PPFIA2: variants seen among roughly 807,000 people sequenced by gnomAD.
PPFIA2 encodes the protein liprin-alpha-2.
A neutral mutation model predicts 175.5 loss-of-function variants in PPFIA2; 46 were observed. That is an observed-to-expected ratio of 0.26 (90% CI 0.21 to 0.34). The LOEUF is 0.34. PPFIA2 is among the 10% of genes least tolerant of loss of function. The pLI, the probability that PPFIA2 is intolerant of heterozygous loss-of-function variation, is 1.00. For synonymous variants in PPFIA2, 568 were observed against 511.4 expected, an observed-to-expected ratio of 1.11 and a Z score of -1.49; for missense variants, 1,179 against 1,506.1, an observed-to-expected ratio of 0.78 and a Z score of 3.60.
rs566090805 is a variant in PPFIA2, at chr12:81,720,165, T to C, written c.249+33808A>G. Reference sequence around the variant, plus strand: ...GAAGCATGGCCTACATCTGCCCAGGTTTTAAATTTCAAATAAAAGCAACTC... The same window carrying C: ...GAAGCATGGCCTACATCTGCCCAGGCTTTAAATTTCAAATAAAAGCAACTC... On this transcript the variant is annotated intron_variant, in intron 3 of 32. Transcript: ENST00000549396. Among the ~76,000 whole-genome samples the C allele has an allele frequency of 9.9e-5, 15 of 151,546 alleles. 1 individual carries two copies. Among genetic ancestry groups the C allele is most frequent in the African/African-American group, 3.4e-4 (14 of 41,456 alleles).
chr12:81,400,212 AT>A (rs1219652513), intron 8 of PPFIA2, among the ~76,000 whole-genome samples: 1 of 152,148 alleles, frequency 6.6e-6, no homozygotes. Context: ...ATATCTCAAT[AT>A]TTCACAATAG....
intron 7 of PPFIA2, among the ~76,000 whole-genome samples, chr12:81,436,896 G>A (rs2049155075): frequency 6.6e-6 from 1 of 152,078 alleles, no homozygotes; most frequent in African/African-American, 2.4e-5. Flanking sequence ...AAACCAAAAT[G>A]GAAGTTAATA....
Position 81,738,115 on chromosome 12 carries a change from A to T in PPFIA2, c.249+15858T>A, listed in dbSNP as rs181640882. 4.2e-3 allele frequency among the ~76,000 whole-genome samples: 602 copies of T among 143,874 alleles called. 3 individuals carry two copies. Among genetic ancestry groups the T allele is most frequent in the African/African-American group, 0.013 (511 of 39,568 alleles). 94.4% of individuals were successfully genotyped at this position (143,874 alleles called of 152,430 possible). On this transcript the variant is annotated intron_variant, in intron 3 of 32. Coordinates refer to ENST00000549396, the MANE Select transcript of PPFIA2 (RefSeq NM_003625.5). ...ACTCTCTAAAGCAGCCAAAAAGATTAAAAAAAAAAAGGACAGTTTACTCTC... is the reference window on the plus strand; with the variant it reads ...ACTCTCTAAAGCAGCCAAAAAGATTTAAAAAAAAAAGGACAGTTTACTCTC...
chr12:81,274,177 TG>T (rs976506959), intron 28 of PPFIA2, among the ~76,000 whole-genome samples: 3 of 152,204 alleles, frequency 2.0e-5, no homozygotes, highest in African/African-American at 7.2e-5. Context: ...CAAGTGCTTG[TG>T]GGTGGCAGCA....
intron 3 of PPFIA2, among the ~76,000 whole-genome samples, chr12:81,738,243 A>C (rs2153650109): frequency 6.6e-6 from 1 of 152,092 alleles, no homozygotes. Context: ...CCACTAACGT[A>C]AAATTCTATC....
chr12:81,343,452 T>A (rs2058498582), intron 19 of PPFIA2, among the ~76,000 whole-genome samples: 1 of 152,178 alleles, frequency 6.6e-6, no homozygotes, highest in Middle Eastern at 3.4e-3. Context: ...GGTAGATAGA[T>A]AATAGCCCAG....
intron 4 of PPFIA2, among the ~76,000 whole-genome samples, chr12:81,648,803 G>T (rs150801237): frequency 6.7e-4 from 102 of 151,774 alleles, no homozygotes; most frequent in African/African-American, 2.3e-3. Context: ...ACAGATCAAT[G>T]GAAAAGAAGA....
intron 17 of PPFIA2, among the ~76,000 whole-genome samples, chr12:81,349,715 T>C (rs935560928): frequency 2.6e-5 from 4 of 152,190 alleles, no homozygotes; most frequent in Admixed American, 2.6e-4. Flanking sequence ...CTATAAATTG[T>C]ACAAGACAGC....
intron 4 of PPFIA2, among the ~76,000 whole-genome samples, chr12:81,624,387 T>C (rs2062429185): frequency 6.7e-6 from 1 of 148,384 alleles, no homozygotes; most frequent in Non-Finnish European, 1.5e-5. Flanking sequence ...ATAAAATATA[T>C]ATACTGATTT....
intron 4 of PPFIA2, among the ~76,000 whole-genome samples, chr12:81,571,524 T>C (rs2072543947): frequency 6.6e-6 from 1 of 152,082 alleles, no homozygotes; most frequent in African/African-American, 2.4e-5. Context: ...TTACAAGTTG[T>C]GCCATCTTAA....
chr12:81,292,321 G>A (rs928667239), intron 24 of PPFIA2: 1 of 151,994 alleles, frequency 6.6e-6, no homozygotes, highest in African/African-American at 2.4e-5. Context: ...GGTCTTCTCA[G>A]TTTCTTATTT....
chr12:81,598,246 G>A, intron 4 of PPFIA2: 4 of 1,346,066 alleles, frequency 3.0e-6, no homozygotes, highest in Non-Finnish European at 2.9e-6. Context: ...CTTTTGTGAA[G>A]CTAGTTCTCT....
chr12:81,262,937 G>C (rs2036101051), intron 31 of PPFIA2, among the ~76,000 whole-genome samples: 2 of 152,180 alleles, frequency 1.3e-5, no homozygotes, highest in African/African-American at 4.8e-5. Context: ...TTTGGGAATA[G>C]AAGACTAAAG....
chr12:81,600,944 T>A (rs538493645), intron 4 of PPFIA2, among the ~76,000 whole-genome samples: 14 of 151,996 alleles, frequency 9.2e-5, no homozygotes, highest in Non-Finnish European at 1.8e-4. Context: ...AGATCCCTTG[T>A]TATTGTAGAG....
chr12:81,531,159 C>T (rs1379813472), intron 4 of PPFIA2, among the ~76,000 whole-genome samples: 1 of 151,806 alleles, frequency 6.6e-6, no homozygotes, highest in East Asian at 1.9e-4. Flanking sequence ...TTTACTTATT[C>T]CCAGCGAATA....
intron 4 of PPFIA2, among the ~76,000 whole-genome samples, chr12:81,563,508 G>A (rs2070643624): frequency 6.6e-6 from 1 of 152,070 alleles, no homozygotes; most frequent in Non-Finnish European, 1.5e-5. Context: ...TTCCTTTTTA[G>A]TGAATTAAAT....
chr12:81,341,344 G>T, intron 19 of PPFIA2, 136 bp from the exon 20 acceptor site: 1 of 705,632 alleles, frequency 1.4e-6, no homozygotes, highest in Non-Finnish European at 2.2e-6. Context: ...GGGCATTTAA[G>T]TCTTACATAC....
chr12:81,552,984 T>C (rs2068190798), intron 4 of PPFIA2, among the ~76,000 whole-genome samples: 1 of 152,064 alleles, frequency 6.6e-6, no homozygotes, highest in South Asian at 2.1e-4. Context: ...TGCCATTCAC[T>C]TTGCTCATCA....
intron 4 of PPFIA2, among the ~76,000 whole-genome samples, chr12:81,479,492 AT>A (rs2057925787): frequency 6.6e-6 from 1 of 152,120 alleles, no homozygotes; most frequent in African/African-American, 2.4e-5. Flanking sequence ...TATTTTGCCC[AT>A]TAGTTGATGC....
Sources: allele counts gnomAD v4.1 joint callset (sites outside exome capture counted in the v4.1 genomes callset), GRCh38; gene constraint gnomAD v4.1.1; transcripts MANE v1.5; gene names NCBI Gene and HGNC (gene_info 2026-07-23, HGNC 2026-07-21).